The following CLIC5 variants were observed in gnomAD, a reference collection of about 807,000 sequenced individuals.
The protein encoded by CLIC5 is CLIC family member 5.
In CLIC5, 20 loss-of-function variants were observed where a neutral mutation model predicts 24.7. That is an observed-to-expected ratio of 0.81 (90% CI 0.57 to 1.18). The LOEUF is 1.18. Among genes scored for constraint, CLIC5 ranks in the 50% most tolerant of loss-of-function variants. The pLI is 0.00. For synonymous variants in CLIC5, 159 were observed against 135.6 expected, an observed-to-expected ratio of 1.17 and a Z score of -1.20; for missense variants, 341 against 326.1, an observed-to-expected ratio of 1.05 and a Z score of -0.35.
At chr6:45,965,769 A>T (rs566213437) in intron 1 of CLIC5, among the ~76,000 whole-genome samples, 5 of 152,340 alleles carry the variant, frequency 3.3e-5, no homozygotes, top group Admixed American at 1.3e-4. Context: ...GGCCACTGTC[A>T]AAAGCTTTGC....
In CLIC5 at chr6:46,015,570, G is replaced by T. The variant is rs544862174; in HGVS notation, c.-28C>A. The T allele has an allele frequency of 2.2e-5, 34 of 1,546,030 alleles. No homozygotes were observed. The East Asian group carries it at 7.8e-4, about 36-fold the overall frequency. ...CGTTGGCGCCCGGGGCTACCGTCCC[G>T]GGCCGGGGAGGCGCCACCTCTGCAG... On this transcript the variant is annotated 5_prime_UTR_variant, in exon 1 of 6. Coordinates refer to ENST00000339561, the MANE Select transcript of CLIC5 (RefSeq NM_016929.5).
At chr6:45,904,249 A>G (rs560615466) in intron 5 of CLIC5, among the ~76,000 whole-genome samples, 1 of 152,330 alleles carries the variant, frequency 6.6e-6, no homozygotes, top group East Asian at 1.9e-4. Context: ...AATACACATC[A>G]AATGCTTAGA....
At chr6:46,033,529 A>G (rs1445991550) in intron 1 of CLIC5, among the ~76,000 whole-genome samples, 1 of 152,206 alleles carries the variant, frequency 6.6e-6, no homozygotes, top group Non-Finnish European at 1.5e-5. Flanking sequence ...AAAAGTGAAC[A>G]GAAGAGAGTT....
At chr6:45,997,486 C>G (rs907527680) in intron 1 of CLIC5, among the ~76,000 whole-genome samples, 1 of 147,420 alleles carries the variant, frequency 6.8e-6, no homozygotes, top group Non-Finnish European at 1.5e-5. Context: ...CACATGTACC[C>G]TAAAACTTAA....
intron 3 of CLIC5, among the ~76,000 whole-genome samples, chr6:45,948,699 C>CTTATAGCTCTA (rs553788701): frequency 6.6e-6 from 1 of 152,134 alleles, no homozygotes; most frequent in Non-Finnish European, 1.5e-5. Context: ...CCAACAAGAA[C>CTTATAGCTCTA]TTATAGCTCT....
chr6:45,943,952 A>C (rs1040389898), intron 3 of CLIC5, among the ~76,000 whole-genome samples: 1 of 152,248 alleles, frequency 6.6e-6, no homozygotes, highest in African/African-American at 2.4e-5. Flanking sequence ...TATATAGGAT[A>C]AGTGCATTCA....
chr6:46,125,517 T>C, the CLIC5 span, among the ~76,000 whole-genome samples: 1 of 152,170 alleles, frequency 6.6e-6, no homozygotes, highest in Non-Finnish European at 1.5e-5. Flanking sequence ...ATGGCACATG[T>C]ATACATATGT....
At chr6:45,983,529 C>T (rs1765632764) in intron 1 of CLIC5, among the ~76,000 whole-genome samples, 1 of 152,132 alleles carries the variant, frequency 6.6e-6, no homozygotes, top group Admixed American at 6.5e-5. Flanking sequence ...CTACCCTGCT[C>T]CTGCATATCA....
At chr6:46,054,326 T>C (rs1768187295) in intron 1 of CLIC5, among the ~76,000 whole-genome samples, 1 of 152,168 alleles carries the variant, frequency 6.6e-6, no homozygotes, top group Non-Finnish European at 1.5e-5. Flanking sequence ...AGCACACTTC[T>C]GACCTTGCAA....
chr6:46,047,587 A>T (rs1293036367), intron 1 of CLIC5, among the ~76,000 whole-genome samples: 2 of 152,260 alleles, frequency 1.3e-5, no homozygotes, highest in African/African-American at 4.8e-5. Flanking sequence ...ACAATAATGC[A>T]ACATATACAA....
intron 1 of CLIC5, among the ~76,000 whole-genome samples, chr6:45,984,310 C>A: frequency 6.6e-6 from 1 of 152,184 alleles, no homozygotes; most frequent in East Asian, 1.9e-4. Context: ...AGTCTGCTGT[C>A]TTCAGGTCCG....
intron 1 of CLIC5, among the ~76,000 whole-genome samples, chr6:46,071,673 G>A (rs1251905582): frequency 6.6e-6 from 1 of 152,070 alleles, no homozygotes; most frequent in African/African-American, 2.4e-5. Flanking sequence ...AAAGCAGTGT[G>A]GTGGTGATTC....
the CLIC5 span, among the ~76,000 whole-genome samples, chr6:46,107,502 G>T: frequency 6.6e-6 from 1 of 151,988 alleles, no homozygotes; most frequent in Non-Finnish European, 1.5e-5. Flanking sequence ...ACAAAATAAG[G>T]TTACCAAAAT....
Position 46,015,525 on chromosome 6 carries a change from T to C in CLIC5, c.18A>G (p.Thr6=). Residue 6 remains threonine, a synonymous_variant, in exon 1 of 6, where the codon ACA becomes ACG. Coordinates refer to ENST00000339561, the MANE Select transcript of CLIC5 (RefSeq NM_016929.5). The part of the protein sequence containing the change: MTDSA[T]ANGDDRDPEI... ...CGGGGTCCCTGTCGTCCCCGTTAGC[T>C]GTCGCCGAGTCTGTCATGCCGTTGG... is the stretch of plus-strand genomic sequence containing the variant. 6.3e-7 allele frequency: 1 copy of C among 1,578,466 alleles called. No individual in the cohort carries two copies. Among genetic ancestry groups the C allele is most frequent in the Admixed American group, 1.8e-5 (1 of 56,242 alleles).
chr6:46,004,622 G>GGCA (rs1766477043), intron 1 of CLIC5, among the ~76,000 whole-genome samples: 1 of 152,190 alleles, frequency 6.6e-6, no homozygotes, highest in African/African-American at 2.4e-5. Context: ...TACCGACCAA[G>GGCA]GCAGTGCCTG....
chr6:45,886,139 C>T (rs1762302837), intron 6 of CLIC5, among the ~76,000 whole-genome samples: 1 of 152,200 alleles, frequency 6.6e-6, no homozygotes. Context: ...ATTTGGGTCA[C>T]TTCAGAATAC....
chr6:45,904,155 G>T (rs187025468), intron 5 of CLIC5, among the ~76,000 whole-genome samples: 330 of 152,212 alleles, frequency 2.2e-3, no homozygotes, highest in Admixed American at 3.7e-3. Context: ...CATTGGGCAG[G>T]TTACTTAACC....
intron 1 of CLIC5, among the ~76,000 whole-genome samples, chr6:46,045,940 A>G (rs1008942173): frequency 6.6e-6 from 1 of 152,126 alleles, no homozygotes; most frequent in Non-Finnish European, 1.5e-5. Context: ...AGCATTTGGT[A>G]TTATTATTTT....
At chr6:46,083,535 C>T (rs569877738), upstream of CLIC5, among the ~76,000 whole-genome samples, 88 of 152,040 alleles carry the variant, frequency 5.8e-4, no homozygotes, top group South Asian at 4.0e-3. Context: ...ATTATGTACC[C>T]AGTAGTCATT....
Sources: gnomAD v4.1 joint callset for allele counts (sites outside exome capture counted in the v4.1 genomes callset) on GRCh38, gnomAD v4.1.1 for gene constraint, MANE v1.5 for transcripts, NCBI Gene and HGNC (gene_info 2026-07-23, HGNC 2026-07-21) for gene names.